Variants in LTBP4 observed in about 807,000 individuals in gnomAD.
The protein encoded by LTBP4 is latent-transforming growth factor beta-binding protein 4.
LTBP4 carries 93 observed loss-of-function variants against 180.2 expected under a neutral mutation model. That is an observed-to-expected ratio of 0.52 (90% CI 0.44 to 0.61). LTBP4 has a LOEUF of 0.61. Among genes scored for constraint, LTBP4 ranks in the 20% least tolerant of loss-of-function variants. LTBP4 has a pLI of 0.00. For missense variants in LTBP4, 2,116 were observed against 2,256.5 expected, an observed-to-expected ratio of 0.94 and a Z score of 1.26; for synonymous variants, 947 against 934.5, an observed-to-expected ratio of 1.01 and a Z score of -0.24.
chr19:40,606,890 G>A (rs1363068393), intron 6 of LTBP4, among the ~76,000 whole-genome samples: 1 of 152,208 alleles, frequency 6.6e-6, no homozygotes, highest in East Asian at 1.9e-4. Flanking sequence ...TAGAACTACA[G>A]GCGGGCACCA....
At position 40,612,131 on chromosome 19, in the gene LTBP4, C is replaced by G; in HGVS notation, c.2238C>G (p.Pro746=). ...CTGGGCAGGAGTGTGTGAACTCGCC[C>G]GGCTCCTTCCAGTGCAGGACCTGTC... ...ACPGQECVNS[P]GSFQCRTCPS... is the part of the protein sequence containing the mutation. The change falls in exon 15 of 30, where the codon CCC becomes CCG. Residue 746 remains proline, a synonymous_variant. Transcript: ENST00000396819. The G allele has an allele frequency of 6.2e-7, 1 of 1,613,290 alleles. No individual in the cohort carries two copies. Among genetic ancestry groups the G allele is most frequent in the Admixed American group, 1.7e-5 (1 of 59,956 alleles).
chr19:40,612,923 C>T, intron 15 of LTBP4, 142 bp from the exon 16 acceptor site: 4 of 799,892 alleles, frequency 5.0e-6, no homozygotes, highest in Non-Finnish European at 6.1e-6. Context: ...TTGGTCAGCC[C>T]TACCCACCTC....
Position 40,611,011 on chromosome 19 carries a change from G to A in LTBP4, c.1811-141G>A. ...AGGCAGCTTAGTAGGGATTGGTGGA[G>A]GATGCAGAGTCAGATGATGGTGACA... On this transcript the variant is annotated intron_variant, in intron 12 of 29. Coordinates refer to ENST00000396819, the MANE Select transcript of LTBP4 (RefSeq NM_001042545.2). The surrounding 1 kb of genome is among the most constrained non-coding windows in gnomAD (Gnocchi z 4.4). 1.7e-6 allele frequency: 2 copies of A among 1,189,184 alleles called. No individual in the cohort carries two copies. Among genetic ancestry groups the A allele is most frequent in the Middle Eastern group, 2.0e-4 (1 of 4,996 alleles). 73.7% of individuals were successfully genotyped at this position (1,189,184 alleles called of 1,614,324 possible). A position where few individuals can be genotyped will look rare whatever the true frequency, so the allele number is the denominator to read the frequency against.
rs2081639285 is a variant in LTBP4 at position 40,627,055 on chromosome 19, G to A, written c.4066G>A (p.Glu1356Lys). 5 of 1,613,476 alleles carry A rather than the reference G, an allele frequency of 3.1e-6. No individual in the cohort carries two copies. The highest frequency in any genetic ancestry group is 8.5e-7 in the Non-Finnish European group (1 of 1,179,590). The part of the protein sequence containing the change: ...PRPGGFGLPY[E>K]YGPDLGPPYQ... ...ACCAGGTGGCTTTGGACTCCCCTAC[G>A]AGTACGGCCCAGACTTAGGTCCACC... The change falls in exon 28 of 30, where the codon GAG becomes AAG. Residue 1356 changes from glutamate (E) to lysine (K), a missense_variant. Transcript: ENST00000396819.
At chr19:40,600,319 G>A, upstream of LTBP4, 1 of 408,826 alleles carries the variant, frequency 2.4e-6, no homozygotes, top group Non-Finnish European at 4.3e-6. This position sits in a 1 kb window ranked among gnomAD's most constrained non-coding sequence, Gnocchi z 4.4. Flanking sequence ...CCCCCTCTAG[G>A]GACCCCAGCG....
Position 40,613,629 on chromosome 19 carries a change from G to C in LTBP4, c.2557+100G>C. ...GCGAAAAGGGGAAAACGAGTTTTTA[G>C]CCGGGGTATTCCAGCAGGATCAGGG... is the stretch of plus-strand genomic sequence containing the variant. On this transcript the variant is annotated intron_variant, in intron 17 of 29. Transcript: ENST00000396819. This position sits in a 1 kb window ranked among gnomAD's most constrained non-coding sequence, Gnocchi z 5.0. 7.2e-6 allele frequency: 11 copies of C among 1,524,366 alleles called. No individual in the cohort carries two copies. Among genetic ancestry groups the C allele is most frequent in the African/African-American group, 1.4e-5 (1 of 72,884 alleles). The allele number at this position is 1,524,366 out of a possible 1,614,324, so 94.4% of individuals were successfully genotyped here.
intron 6 of LTBP4, 118 bp downstream of exon 6, chr19:40,606,644 A>G (rs950090411): frequency 1.6e-6 from 2 of 1,248,182 alleles, no homozygotes; most frequent in Non-Finnish European, 2.2e-6. Flanking sequence ...TTCCTCTGTC[A>G]GCCTTAGAGC....
intron 19 of LTBP4, 103 bp downstream of exon 19, chr19:40,614,549 G>T: frequency 7.1e-7 from 1 of 1,411,948 alleles, no homozygotes; most frequent in Non-Finnish European, 9.5e-7. Flanking sequence ...GACTTAGGCG[G>T]AGGGAAAGAA....
In LTBP4 at chr19:40,606,215, C is replaced by G. The variant is rs1057524344; in HGVS notation, c.794-18C>G. 2 of 1,573,424 alleles carry G rather than the reference C, an allele frequency of 1.3e-6. No homozygotes were observed. The stretch of plus-strand genomic sequence containing the variant: ...TCTGCCCACCTGTCCCTGGCCCACC[C>G]CTCTCCTCTCGCCACAGGGAACTCC... On this transcript the variant is annotated intron_variant, in intron 4 of 29. Coordinates refer to ENST00000396819, the MANE Select transcript of LTBP4 (RefSeq NM_001042545.2).
At chr19:40,623,892 TG>T in intron 25 of LTBP4, 43 bp from the exon 26 acceptor site, 1 of 1,608,442 alleles carries the variant, frequency 6.2e-7, no homozygotes, top group Non-Finnish European at 8.5e-7. Context: ...TGGGAAAGGG[TG>T]GGGAGAGTTG....
Position 40,623,675 on chromosome 19 carries a change from T to C in LTBP4, c.3628T>C (p.Tyr1210His). 6.2e-7 allele frequency: 1 copy of C among 1,613,726 alleles called. No individual in the cohort carries two copies. Among genetic ancestry groups the C allele is most frequent in the South Asian group, 1.1e-5 (1 of 91,084 alleles). Residue 1210 changes from tyrosine (Y) to histidine (H), a missense_variant, in exon 25 of 30, where the codon TAC becomes CAC. Physicochemically the swap from Tyr to His is moderately conservative, Grantham distance 83 (BLOSUM62 2). Around this residue, in one of 5 missense-constraint regions of LTBP4, gnomAD observed 278 missense variants for 373.0 expected, o/e 0.75. Coordinates refer to ENST00000396819, the MANE Select transcript of LTBP4 (RefSeq NM_001042545.2). ...SGVCVNTAPG[Y>H]SCYCSNGYYY... ...CGTGTGTGTGAACACGGCCCCGGGC[T>C]ACTCATGCTATTGCAGCAACGGCTA...
At chr19:40,596,835 G>A (rs1266105886), upstream of LTBP4, among the ~76,000 whole-genome samples, 4 of 152,262 alleles carry the variant, frequency 2.6e-5, no homozygotes, top group East Asian at 7.7e-4. Context: ...GGAGCAGAGA[G>A]CTGAGGACTG....
At position 40,613,167 on chromosome 19, in the gene LTBP4, C is replaced by G. The variant is rs532233295; in HGVS notation, c.2402C>G (p.Ala801Gly). 1.4e-5 allele frequency: 22 copies of G among 1,579,986 alleles called. No homozygotes were observed. In the Middle Eastern group the frequency reaches 1.0e-3, roughly 71 times the overall value. ...TGCAGCTGCGCGCCAGGCTACCGGG[C>G]GCCGTCGGGTCGGCCCGGGCCCTGC... Reference protein sequence around the residue: ...FRCSCAPGYRAPSGRPGPCAD... With the variant: ...FRCSCAPGYRGPSGRPGPCAD... The change falls in exon 16 of 30, where the codon GCG (alanine) becomes GGG (glycine). Residue 801 changes from alanine (A) to glycine (G), a missense_variant. Transcript: ENST00000396819. This position sits in a 1 kb window ranked among gnomAD's most constrained non-coding sequence, Gnocchi z 5.0.
rs10405930 is a variant in LTBP4 at position 40,610,960 on chromosome 19, T to C, written c.1811-192T>C. ...GAAAGGGGAGAAGGAGGCCTTCTCATGGGGACTACAGAGACAGAACCAGCC... is the reference window on the plus strand; with the variant it reads ...GAAAGGGGAGAAGGAGGCCTTCTCACGGGGACTACAGAGACAGAACCAGCC... On this transcript the variant is annotated intron_variant, in intron 12 of 29. Transcript: ENST00000396819. The C allele has an allele frequency of 0.44, 344,660 of 790,052 alleles. 78,024 individuals carry two copies. Among genetic ancestry groups the C allele is most frequent in the African/African-American group, 0.63 (35,937 of 57,392 alleles). 48.9% of individuals were successfully genotyped at this position (790,052 alleles called of 1,614,324 possible).
In LTBP4 at chr19:40,619,339, G is replaced by A. The variant is rs2081570297; in HGVS notation, c.3071-8G>A. 2.5e-6 allele frequency: 4 copies of A among 1,612,784 alleles called. No homozygotes were observed. The highest frequency in any genetic ancestry group is 1.7e-5 in the Admixed American group (1 of 59,952). ...GAGTCCCTCTCCCCTGTTGTCTCCT[G>A]CTTACAGATGTGAACGAGTGTGAAA... On this transcript the variant is annotated splice_polypyrimidine_tract_variant and splice_region_variant and intron_variant, in intron 21 of 29. Coordinates refer to ENST00000396819, the MANE Select transcript of LTBP4 (RefSeq NM_001042545.2).
chr19:40,625,293 TA>T lies in LTBP4; in HGVS notation c.3833-563del, dbSNP rs1568414492. Among the ~76,000 whole-genome samples, 40 of 12,818 alleles carry T rather than the reference TA, an allele frequency of 3.1e-3. 10 individuals are homozygous for T. The highest frequency in any genetic ancestry group is 0.014 in the East Asian group (10 of 698). The allele number at this position is 12,818 out of a possible 152,430, so 8.4% of individuals were successfully genotyped here. On this transcript the variant is annotated intron_variant, in intron 26 of 29. Transcript: ENST00000396819. ...ATATATATATATATATATATATATA[TA>T]TATATATATATATATATATATATTT...
upstream of LTBP4, chr19:40,599,851 G>A (rs564027454): frequency 1.2e-4 from 63 of 517,338 alleles, no homozygotes; most frequent in African/African-American, 1.2e-3. Flanking sequence ...AAGTCTCTCT[G>A]CCCCTTCTCT....
At chr19:40,614,284 C>G (rs751602222) in intron 18 of LTBP4, 31 bp from the exon 19 acceptor site, 1 of 1,589,700 alleles carries the variant, frequency 6.3e-7, no homozygotes. Context: ...TCCCTGCTTC[C>G]CACATCCGAC....
At chr19:40,626,283 C>T (rs2081633269) in intron 27 of LTBP4, among the ~76,000 whole-genome samples, 2 of 152,098 alleles carry the variant, frequency 1.3e-5, no homozygotes, top group Non-Finnish European at 2.9e-5. Context: ...ATGCTCAGCT[C>T]CTGGTCTCTA....
Sources: allele counts gnomAD v4.1 joint callset (sites outside exome capture counted in the v4.1 genomes callset), GRCh38; gene constraint gnomAD v4.1.1; regional missense constraint gnomAD v4.1.1; non-coding constraint Gnocchi (gnomAD v3.1); transcripts MANE v1.5; gene names NCBI Gene and HGNC (gene_info 2026-07-23, HGNC 2026-07-21).